The following LDLRAD4 variants were observed in gnomAD, a reference collection of about 807,000 sequenced individuals.
The protein encoded by LDLRAD4 is low density lipoprotein receptor class A domain containing 4.
In LDLRAD4, 5 loss-of-function variants were observed where a neutral mutation model predicts 17.0. The ratio of observed to expected loss-of-function variants is 0.29; its 90% confidence interval spans 0.15 to 0.62. LDLRAD4 has a LOEUF of 0.62. LDLRAD4 is among the 20% of genes least tolerant of loss of function. LDLRAD4 has a pLI of 0.84. For synonymous variants in LDLRAD4, 168 were observed against 171.8 expected (o/e 0.98, Z 0.17); for missense variants, 340 against 424.7 (o/e 0.80, Z 1.75).
intron 3 of LDLRAD4, chr18:13,612,556 CT>C (rs1377625586): frequency 6.0e-5 from 85 of 1,423,830 alleles, no homozygotes; most frequent in African/African-American, 4.5e-4. Flanking sequence ...CCCCCCCCCC[CT>C]CCACGCTCAC....
At chr18:13,612,904 A>C (rs545575506) in intron 3 of LDLRAD4, 2 of 1,030,434 alleles carry the variant, frequency 1.9e-6, no homozygotes, top group Admixed American at 2.3e-5. Context: ...CTTTCTACCT[A>C]AGAGGGGTCT....
chr18:13,226,458 G>A (rs12969923), intron 1 of LDLRAD4, among the ~76,000 whole-genome samples: 56,830 of 151,626 alleles, frequency 0.37, 12,563 homozygotes, highest in South Asian at 0.5. Context: ...CCACAGAGAA[G>A]AGGGTGACTG....
intron 3 of LDLRAD4, among the ~76,000 whole-genome samples, chr18:13,618,444 A>C (rs899593605): frequency 6.6e-6 from 1 of 152,272 alleles, no homozygotes; most frequent in African/African-American, 2.4e-5. Context: ...AATGAAACAC[A>C]AATATGTAAA....
intron 2 of LDLRAD4, among the ~76,000 whole-genome samples, chr18:13,399,872 T>C (rs1309584123): frequency 6.6e-6 from 1 of 152,260 alleles, no homozygotes; most frequent in Non-Finnish European, 1.5e-5. Flanking sequence ...TCTGAATGTA[T>C]TCCGTGAAGA....
intron 3 of LDLRAD4, among the ~76,000 whole-genome samples, chr18:13,594,135 G>A (rs1435718569): frequency 2.0e-5 from 3 of 152,110 alleles, no homozygotes; most frequent in Non-Finnish European, 4.4e-5. Context: ...GGGTTGGTGG[G>A]GCTGGTGTCT....
At chr18:13,289,642 GTCAT>G (rs916546494) in intron 1 of LDLRAD4, among the ~76,000 whole-genome samples, 1 of 152,182 alleles carries the variant, frequency 6.6e-6, no homozygotes, top group African/African-American at 2.4e-5. Context: ...AGAGAGATGA[GTCAT>G]TGCTAAAATT....
chr18:13,595,669 T>A (rs1007890816), intron 3 of LDLRAD4, among the ~76,000 whole-genome samples: 12 of 152,212 alleles, frequency 7.9e-5, no homozygotes, highest in Non-Finnish European at 1.8e-4. Context: ...TTTTTTTAAA[T>A]GTGTATGTTG....
In LDLRAD4 at chr18:13,440,786, G is replaced by C. The variant is rs144851913; in HGVS notation, c.181+2402G>C. On this transcript the variant is annotated intron_variant, in intron 3 of 5. Transcript: ENST00000359446. The surrounding 1 kb of genome is among the most constrained non-coding windows in gnomAD (Gnocchi z 4.4). ...CTCCACTCCCCACGTGGCCCTTCCT[G>C]GGGAGTGCACTGCTGTGACTTTGTA... Among the ~76,000 whole-genome samples, 185 of 152,298 alleles carry C rather than the reference G, an allele frequency of 1.2e-3. 1 individual carries two copies. The East Asian group carries it at 0.017, about 14-fold the overall frequency.
chr18:13,322,453 C>T (rs1424105274), intron 1 of LDLRAD4, among the ~76,000 whole-genome samples: 7 of 151,576 alleles, frequency 4.6e-5, no homozygotes, highest in East Asian at 1.9e-4. Context: ...GAGTGTACCA[C>T]GACGCCCAGC....
At chr18:13,639,655 T>C (rs1309350051) in intron 4 of LDLRAD4, among the ~76,000 whole-genome samples, 3 of 152,186 alleles carry the variant, frequency 2.0e-5, no homozygotes, top group Non-Finnish European at 4.4e-5. Context: ...ATGCCAGCCT[T>C]CTCGGGTTTT....
chr18:13,422,551 G>A (rs561131823), intron 2 of LDLRAD4, among the ~76,000 whole-genome samples: 4 of 149,440 alleles, frequency 2.7e-5, no homozygotes, highest in Non-Finnish European at 5.9e-5. Flanking sequence ...AAAAAAAAAA[G>A]GCCAAGTGTG....
At chr18:13,331,184 A>T (rs772597915) in intron 1 of LDLRAD4, among the ~76,000 whole-genome samples, 1 of 152,230 alleles carries the variant, frequency 6.6e-6, no homozygotes, top group Non-Finnish European at 1.5e-5. Context: ...TCACAAGTTG[A>T]GGGTAGTCTT....
intron 1 of LDLRAD4, among the ~76,000 whole-genome samples, chr18:13,280,397 C>G (rs907355001): frequency 6.6e-6 from 1 of 152,228 alleles, no homozygotes; most frequent in Non-Finnish European, 1.5e-5. Flanking sequence ...GCATTCCATG[C>G]ACAGTCGTCA....
At chr18:13,571,915 C>T (rs186305566) in intron 3 of LDLRAD4, among the ~76,000 whole-genome samples, 46 of 152,168 alleles carry the variant, frequency 3.0e-4, no homozygotes, top group African/African-American at 9.2e-4. Flanking sequence ...GGATTACAGG[C>T]GTGAGCTACC....
At chr18:13,495,690 A>T (rs2093454201) in intron 3 of LDLRAD4, among the ~76,000 whole-genome samples, 1 of 152,076 alleles carries the variant, frequency 6.6e-6, no homozygotes, top group African/African-American at 2.4e-5. Context: ...TAATAGACTC[A>T]CAAATTCTAG....
At chr18:13,378,728 C>G (rs1036370134) in intron 1 of LDLRAD4, among the ~76,000 whole-genome samples, 1 of 152,162 alleles carries the variant, frequency 6.6e-6, no homozygotes, top group African/African-American at 2.4e-5. Flanking sequence ...AAAAACCTCA[C>G]CCACACACTT....
chr18:13,396,030 A>G (rs553176574), intron 2 of LDLRAD4, among the ~76,000 whole-genome samples: 4 of 152,254 alleles, frequency 2.6e-5, no homozygotes, highest in East Asian at 3.9e-4. Flanking sequence ...TTTTCAGGAT[A>G]CTATGTTTAA....
intron 4 of LDLRAD4, chr18:13,642,559 C>T (rs932878713): frequency 2.4e-6 from 3 of 1,228,186 alleles, no homozygotes; most frequent in African/African-American, 1.6e-5. Flanking sequence ...GGAGAAGACA[C>T]TCGCTGGAGG....
intron 2 of LDLRAD4, among the ~76,000 whole-genome samples, chr18:13,399,686 G>A (rs2086998126): frequency 6.6e-6 from 1 of 152,242 alleles, no homozygotes; most frequent in African/African-American, 2.4e-5. Context: ...GACATCCTTA[G>A]AAGAACAGCT....
Sources: gnomAD v4.1 joint callset for allele counts (sites outside exome capture counted in the v4.1 genomes callset) on GRCh38, gnomAD v4.1.1 for gene constraint, Gnocchi (gnomAD v3.1) non-coding constraint, MANE v1.5 for transcripts, NCBI Gene and HGNC (gene_info 2026-07-23, HGNC 2026-07-21) for gene names.